The following PPP4R2 variants were observed in gnomAD, a reference collection of about 807,000 sequenced individuals.
PPP4R2 encodes the protein serine/threonine-protein phosphatase 4 regulatory subunit 2.
PPP4R2 carries 13 observed loss-of-function variants against 47.2 expected under a neutral mutation model. That is an observed-to-expected ratio of 0.28 (90% CI 0.18 to 0.44). The LOEUF is 0.44. Ranked by LOEUF, PPP4R2 falls within the 20% of genes least tolerant of loss-of-function variation. The pLI, the probability that PPP4R2 is intolerant of heterozygous loss-of-function variation, is 1.00. For missense variants in PPP4R2, 421 were observed against 491.2 expected (o/e 0.86, Z 1.35); for synonymous variants, 151 against 163.3 (o/e 0.92, Z 0.57).
intron 2 of PPP4R2, among the ~76,000 whole-genome samples, chr3:73,004,934 G>C (rs1178021968): frequency 1.3e-5 from 1 of 75,212 alleles, no homozygotes; most frequent in Non-Finnish European, 2.6e-5. Context: ...TGTGTGTTTT[G>C]AGTCGGAGTC....
chr3:73,067,163 A>G lies in PPP4R2; in HGVS notation c.*1441A>G, dbSNP rs1465721035. The G allele has an allele frequency of 6.6e-6, 1 of 152,156 alleles. No individual in the cohort carries two copies. Among genetic ancestry groups the G allele is most frequent in the Non-Finnish European group, 1.5e-5 (1 of 67,962 alleles). The allele number at this position is 152,156 out of a possible 1,614,324, so 9.4% of individuals were successfully genotyped here. ...TGCTTGGGCTTTCAATACAGTATTC[A>G]TATAAAGCAATAAATATTAATGTTA... On this transcript the variant is annotated 3_prime_UTR_variant, in exon 9 of 9. Transcript: ENST00000356692.
chr3:73,030,695 T>C (rs1027900858), intron 2 of PPP4R2, among the ~76,000 whole-genome samples: 3 of 151,814 alleles, frequency 2.0e-5, no homozygotes, highest in South Asian at 2.1e-4. Flanking sequence ...TATTTTTTTT[T>C]CTCTTTCCTC....
In PPP4R2 at chr3:73,064,068, C is replaced by T; in HGVS notation, c.560C>T (p.Pro187Leu). Reference sequence around the variant, plus strand: ...CGACCAAAGGTTTCTTTGTCAGCCCCCATGACAACAAATGGGTTGCCTGAG... The same window carrying T: ...CGACCAAAGGTTTCTTTGTCAGCCCTCATGACAACAAATGGGTTGCCTGAG... ...LNRPKVSLSA[P>L]MTTNGLPEST... The change falls in exon 7 of 9, where the codon CCC becomes CTC. Residue 187 changes from proline to leucine, a missense_variant. Transcript: ENST00000356692. The T allele has an allele frequency of 6.2e-7, 1 of 1,613,448 alleles. No homozygotes were observed. Among genetic ancestry groups the T allele is most frequent in the South Asian group, 1.1e-5 (1 of 91,032 alleles).
chr3:72,997,290 G>A, intron 1 of PPP4R2: 1 of 407,312 alleles, frequency 2.5e-6, no homozygotes, highest in African/African-American at 2.1e-5. Flanking sequence ...GTCTGGGCTG[G>A]GGGAGGGGAG....
rs1702981628 is a variant in PPP4R2, at chr3:73,065,731, A to G, written c.*9A>G. 3 of 1,568,496 alleles carry G rather than the reference A, an allele frequency of 1.9e-6. No homozygotes were observed. The highest frequency in any genetic ancestry group is 2.6e-6 in the Non-Finnish European group (3 of 1,150,814). On this transcript the variant is annotated 3_prime_UTR_variant, in exon 9 of 9. Transcript: ENST00000356692. ...CAATGGAACAAGACTAACTATTTAG[A>G]AACATTTAGATGCAGTATTTTACAT...
At chr3:73,052,195 G>A (rs1336986096) in intron 3 of PPP4R2, among the ~76,000 whole-genome samples, 2 of 149,978 alleles carry the variant, frequency 1.3e-5, no homozygotes, top group East Asian at 1.9e-4. Flanking sequence ...TATCTATTTT[G>A]TCTATTGAGG....
intron 2 of PPP4R2, among the ~76,000 whole-genome samples, chr3:73,018,072 A>G (rs1336954499): frequency 1.3e-5 from 2 of 151,978 alleles, no homozygotes; most frequent in African/African-American, 4.8e-5. Flanking sequence ...AGGTATGGTC[A>G]CTCTATTTTG....
chr3:73,021,376 G>C (rs1274607180), intron 2 of PPP4R2, among the ~76,000 whole-genome samples: 1 of 151,882 alleles, frequency 6.6e-6, no homozygotes, highest in Non-Finnish European at 1.5e-5. Context: ...TGGGACTACA[G>C]ATTTGCAACA....
At chr3:73,052,237 CTTTCT>C (rs1472763610) in intron 3 of PPP4R2, among the ~76,000 whole-genome samples, 50 of 95,146 alleles carry the variant, frequency 5.3e-4, no homozygotes, top group Middle Eastern at 5.2e-3. Flanking sequence ...TGCTTAATTT[CTTTCT>C]TTTCTTTTTT....
intron 5 of PPP4R2, chr3:73,062,792 A>G: frequency 6.2e-7 from 1 of 1,613,968 alleles, no homozygotes; most frequent in Non-Finnish European, 8.5e-7. Context: ...GCAATGCAGA[A>G]TCAGCCATAG....
chr3:73,056,314 T>C (rs549643514), intron 3 of PPP4R2, among the ~76,000 whole-genome samples: 15 of 152,348 alleles, frequency 9.8e-5, no homozygotes, highest in African/African-American at 3.6e-4. Flanking sequence ...TGTTATTTAT[T>C]ACTGTAATTG....
intron 3 of PPP4R2, among the ~76,000 whole-genome samples, chr3:73,055,591 T>TC (rs1702716238): frequency 6.6e-6 from 1 of 151,960 alleles, no homozygotes; most frequent in African/African-American, 2.4e-5. Context: ...TTTTTTCAGT[T>TC]CCTTATATCA....
intron 2 of PPP4R2, among the ~76,000 whole-genome samples, chr3:73,026,814 A>G (rs1168645283): frequency 6.6e-6 from 1 of 152,170 alleles, no homozygotes; most frequent in African/African-American, 2.4e-5. Flanking sequence ...AAAACATTGG[A>G]CAATCCTGGC....
At chr3:73,000,735 G>A (rs901385696) in intron 2 of PPP4R2, among the ~76,000 whole-genome samples, 3 of 152,178 alleles carry the variant, frequency 2.0e-5, no homozygotes, top group Admixed American at 6.5e-5. Flanking sequence ...ATTGTTTCTG[G>A]CCACTTCAAA....
intron 3 of PPP4R2, among the ~76,000 whole-genome samples, chr3:73,048,976 C>G (rs1486944908): frequency 1.3e-5 from 2 of 152,046 alleles, no homozygotes; most frequent in African/African-American, 4.8e-5. Context: ...TATAGTTACC[C>G]CTGGGGGCCT....
At chr3:73,022,772 T>TC (rs1701985962) in intron 2 of PPP4R2, among the ~76,000 whole-genome samples, 1 of 135,074 alleles carries the variant, frequency 7.4e-6, no homozygotes, top group African/African-American at 2.8e-5. Flanking sequence ...GCATTTCTTT[T>TC]TTTTTTTTTT....
At chr3:73,015,124 A>T (rs1701797307) in intron 2 of PPP4R2, 1 of 442,864 alleles carries the variant, frequency 2.3e-6, no homozygotes, top group South Asian at 5.9e-5. Context: ...CAGAAATGTC[A>T]TAAAGTCCTA....
intron 2 of PPP4R2, among the ~76,000 whole-genome samples, chr3:73,031,356 A>G (rs1458913392): frequency 6.6e-6 from 1 of 152,090 alleles, no homozygotes; most frequent in African/African-American, 2.4e-5. Flanking sequence ...CCTGGCCAAC[A>G]TGGTGAAACC....
At chr3:73,030,742 G>T (rs970861823) in intron 2 of PPP4R2, among the ~76,000 whole-genome samples, 1 of 150,296 alleles carries the variant, frequency 6.7e-6, no homozygotes, top group Non-Finnish European at 1.5e-5. Context: ...TCACTCTGTT[G>T]CCCAGGCCGG....
Sources: allele counts gnomAD v4.1 joint callset (sites outside exome capture counted in the v4.1 genomes callset), GRCh38; gene constraint gnomAD v4.1.1; transcripts MANE v1.5; gene names NCBI Gene and HGNC (gene_info 2026-07-23, HGNC 2026-07-21).